The following DGKB variants were observed in gnomAD, a reference collection of about 807,000 sequenced individuals.
DGKB encodes diacylglycerol kinase beta.
Under a neutral mutation model 114.3 loss-of-function variants are expected in DGKB, and 67 were observed. The observed-to-expected ratio is 0.59, with a 90% CI of 0.48 to 0.72. DGKB has a LOEUF of 0.72. Among genes scored for constraint, DGKB ranks in the 30% least tolerant of loss-of-function variants. The pLI, the probability that DGKB is intolerant of heterozygous loss-of-function variation, is 0.00. For missense variants in DGKB, 907 were observed against 975.2 expected (o/e 0.93, Z 0.93); for synonymous variants, 398 against 323.1 (o/e 1.23, Z -2.49).
intron 21 of DGKB, among the ~76,000 whole-genome samples, chr7:14,448,528 T>C (rs1831036004): frequency 6.6e-6 from 1 of 152,114 alleles, no homozygotes; most frequent in South Asian, 2.1e-4. Context: ...CTAAGAATTC[T>C]GAATGCTGTG....
At chr7:14,185,454 C>G (rs983602528) in intron 23 of DGKB, among the ~76,000 whole-genome samples, 4 of 151,988 alleles carry the variant, frequency 2.6e-5, no homozygotes, top group African/African-American at 9.7e-5. Context: ...AAGCAATCTA[C>G]AATTCAATGC....
intron 1 of DGKB, among the ~76,000 whole-genome samples, chr7:14,896,601 T>C (rs1782139369): frequency 6.6e-6 from 1 of 151,728 alleles, no homozygotes; most frequent in Non-Finnish European, 1.5e-5. Context: ...CTAATATTTT[T>C]TAATGTTTAT....
intron 17 of DGKB, among the ~76,000 whole-genome samples, chr7:14,586,534 A>C (rs1800797709): frequency 6.6e-6 from 1 of 152,138 alleles, no homozygotes. Flanking sequence ...GCTAAACAAC[A>C]ATTTTTCAAT....
intron 23 of DGKB, among the ~76,000 whole-genome samples, chr7:14,253,224 G>A (rs189429319): frequency 1.3e-5 from 2 of 152,022 alleles, no homozygotes; most frequent in African/African-American, 2.4e-5. Context: ...TAGTAGAGAC[G>A]GGGTTTCACC....
chr7:14,804,574 A>T (rs1842574734), intron 2 of DGKB, among the ~76,000 whole-genome samples: 1 of 151,710 alleles, frequency 6.6e-6, no homozygotes, highest in South Asian at 2.1e-4. Context: ...TCAATTCTAG[A>T]CAATTCATGG....
intron 21 of DGKB, among the ~76,000 whole-genome samples, chr7:14,454,222 T>C (rs1391659859): frequency 6.6e-6 from 1 of 152,150 alleles, no homozygotes; most frequent in Non-Finnish European, 1.5e-5. Flanking sequence ...TACTGTAGTA[T>C]TGAATACTAC....
At chr7:14,156,015 C>T (rs945980203) in intron 25 of DGKB, among the ~76,000 whole-genome samples, 23 of 152,162 alleles carry the variant, frequency 1.5e-4, no homozygotes, top group Admixed American at 5.2e-4. Flanking sequence ...AGATGTTAGA[C>T]TTTGTAACTG....
At chr7:14,854,642 T>C (rs1849865618) in intron 1 of DGKB, among the ~76,000 whole-genome samples, 1 of 152,204 alleles carries the variant, frequency 6.6e-6, no homozygotes, top group Admixed American at 6.5e-5. Flanking sequence ...GTGGTAACAC[T>C]TCCTGGCCCA....
chr7:14,952,574 G>T (rs1786266545), intron 1 of DGKB, among the ~76,000 whole-genome samples: 1 of 151,694 alleles, frequency 6.6e-6, no homozygotes, highest in African/African-American at 2.4e-5. Context: ...TGAGCAACAT[G>T]GTGAAATCCC....
At chr7:14,745,223 A>C (rs911203471) in intron 4 of DGKB, among the ~76,000 whole-genome samples, 6 of 152,154 alleles carry the variant, frequency 3.9e-5, no homozygotes, top group Non-Finnish European at 8.8e-5. Flanking sequence ...TCTCACCTTC[A>C]GGCCATCAAA....
intron 1 of DGKB, among the ~76,000 whole-genome samples, chr7:14,848,101 T>G (rs1433808097): frequency 6.6e-6 from 1 of 152,184 alleles, no homozygotes; most frequent in Non-Finnish European, 1.5e-5. Context: ...AAGTCCACTT[T>G]AATCAGTGGA....
chr7:14,828,319 G>T (rs190546316), intron 2 of DGKB, among the ~76,000 whole-genome samples: 1 of 151,964 alleles, frequency 6.6e-6, no homozygotes. Context: ...TTAATTCAAA[G>T]AGAAGCAAGA....
At chr7:14,537,384 G>A (rs1792677845) in intron 20 of DGKB, among the ~76,000 whole-genome samples, 1 of 152,010 alleles carries the variant, frequency 6.6e-6, no homozygotes, top group South Asian at 2.1e-4. Flanking sequence ...AAAGCTGAAG[G>A]AATCACACTT....
intron 25 of DGKB, among the ~76,000 whole-genome samples, chr7:14,156,118 C>T (rs1782984891): frequency 6.6e-6 from 1 of 152,066 alleles, no homozygotes; most frequent in African/African-American, 2.4e-5. Flanking sequence ...ATAAACATTT[C>T]CAATCAGTCC....
At chr7:14,882,617 A>G (rs1587156271) in intron 1 of DGKB, among the ~76,000 whole-genome samples, 1 of 151,760 alleles carries the variant, frequency 6.6e-6, no homozygotes, top group East Asian at 1.9e-4. Flanking sequence ...CTGAGTCTCT[A>G]TTGTCTATCA....
intron 17 of DGKB, among the ~76,000 whole-genome samples, chr7:14,595,065 G>C: frequency 6.6e-6 from 1 of 152,020 alleles, no homozygotes; most frequent in East Asian, 1.9e-4. Flanking sequence ...CAGTTAATGT[G>C]GACTAGGTAG....
At chr7:14,827,685 G>C (rs149771664) in intron 2 of DGKB, among the ~76,000 whole-genome samples, 1,668 of 152,128 alleles carry the variant, frequency 0.011, 22 homozygotes, top group Admixed American at 0.018. Context: ...TTGAAATGTG[G>C]AGACGCCTTA....
chr7:14,769,929 C>A (rs998096895), intron 2 of DGKB, among the ~76,000 whole-genome samples: 29 of 152,080 alleles, frequency 1.9e-4, no homozygotes, highest in African/African-American at 7.0e-4. Context: ...ATTATACTTA[C>A]AAATCACATC....
chr7:14,554,012 A>G (rs573669480), intron 20 of DGKB, among the ~76,000 whole-genome samples: 2 of 151,780 alleles, frequency 1.3e-5, no homozygotes, highest in African/African-American at 4.8e-5. Context: ...AGCTGGGACT[A>G]CAGGCAACCG....
Sources: allele counts gnomAD v4.1 joint callset (sites outside exome capture counted in the v4.1 genomes callset), GRCh38; gene constraint gnomAD v4.1.1; transcripts MANE v1.5; gene names NCBI Gene and HGNC (gene_info 2026-07-23, HGNC 2026-07-21).